Variants in TRPM6 observed in about 807,000 individuals in gnomAD.
TRPM6 encodes channel kinase 2.
Under a neutral mutation model 247.6 loss-of-function variants are expected in TRPM6, and 111 were observed. The ratio of observed to expected loss-of-function variants is 0.45; its 90% CI spans 0.38 to 0.52. TRPM6 has a LOEUF of 0.52. Among genes scored for constraint, TRPM6 ranks in the 20% least tolerant of loss-of-function variants. The pLI, the probability that TRPM6 is intolerant of heterozygous loss-of-function variation, is 0.00. For synonymous variants in TRPM6, 892 were observed against 853.8 expected (o/e 1.04, Z -0.78); for missense variants, 2,126 against 2,421.5 (o/e 0.88, Z 2.56).
chr9:74,724,896 T>C (rs1825264823), intron 38 of TRPM6, 150 bp from the exon 39 acceptor site: 2 of 1,038,544 alleles, frequency 1.9e-6, no homozygotes, highest in Non-Finnish European at 2.8e-6. Context: ...CTCAACCATG[T>C]CTAGATTAAG....
At chr9:74,867,247 G>A (rs1368883125) in intron 1 of TRPM6, among the ~76,000 whole-genome samples, 1 of 152,146 alleles carries the variant, frequency 6.6e-6, no homozygotes, top group African/African-American at 2.4e-5. Flanking sequence ...ACACTCATGA[G>A]AAAATATGTC....
intron 23 of TRPM6, among the ~76,000 whole-genome samples, chr9:74,776,678 T>C (rs1202477362): frequency 6.6e-6 from 1 of 152,142 alleles, no homozygotes; most frequent in Non-Finnish European, 1.5e-5. Context: ...GATAGGATGG[T>C]GAATGTTGAT....
chr9:74,800,170 A>G, intron 17 of TRPM6, 84 bp downstream of exon 17: 1 of 1,324,238 alleles, frequency 7.6e-7, no homozygotes. Flanking sequence ...CTGAAGACAC[A>G]ATTCTGGAAC....
chr9:74,884,204 T>C (rs999080236), intron 1 of TRPM6, among the ~76,000 whole-genome samples: 1 of 151,412 alleles, frequency 6.6e-6, no homozygotes, highest in African/African-American at 2.4e-5. Context: ...TAAATACATA[T>C]GTATGGCCAG....
chr9:74,750,601 C>A (rs1826211262), intron 30 of TRPM6, 63 bp downstream of exon 30: 1 of 1,437,094 alleles, frequency 7.0e-7, no homozygotes, highest in South Asian at 1.1e-5. Context: ...AACCTTTGCT[C>A]CTAACCAAGT....
chr9:74,745,328 A>G (rs1190724065), intron 31 of TRPM6, among the ~76,000 whole-genome samples: 1 of 152,248 alleles, frequency 6.6e-6, no homozygotes, highest in East Asian at 1.9e-4. Flanking sequence ...TTGAGTACCT[A>G]CTATGTGCCA....
At chr9:74,811,362 C>A (rs752703550) in intron 12 of TRPM6, among the ~76,000 whole-genome samples, 2 of 152,110 alleles carry the variant, frequency 1.3e-5, no homozygotes, top group Non-Finnish European at 2.9e-5. Context: ...ACTCTAGGAA[C>A]AAATCACTGT....
chr9:74,763,218 A>C, intron 25 of TRPM6, 84 bp from the exon 26 acceptor site: 1 of 1,360,866 alleles, frequency 7.3e-7, no homozygotes, highest in Non-Finnish European at 1.0e-6. Context: ...TCCATCCTTA[A>C]ATGGCTCCTG....
chr9:74,874,988 C>G (rs1831149730), intron 1 of TRPM6, among the ~76,000 whole-genome samples: 1 of 151,400 alleles, frequency 6.6e-6, no homozygotes, highest in African/African-American at 2.4e-5. Context: ...TGGTCTCAAA[C>G]TCCTGACCTC....
chr9:74,858,841 A>C, intron 1 of TRPM6, 93 bp from the exon 2 acceptor site: 1 of 1,002,896 alleles, frequency 1.0e-6, no homozygotes. Flanking sequence ...CTCAAGTATC[A>C]TGAATGCTAA....
chr9:74,790,837 T>C (rs1003389155), intron 19 of TRPM6, among the ~76,000 whole-genome samples: 1 of 152,216 alleles, frequency 6.6e-6, no homozygotes, highest in African/African-American at 2.4e-5. Flanking sequence ...TTCCTCTACT[T>C]GAGAACAGGT....
At chr9:74,735,752 G>C (rs1186751050) in intron 36 of TRPM6, among the ~76,000 whole-genome samples, 1 of 152,094 alleles carries the variant, frequency 6.6e-6, no homozygotes, top group East Asian at 1.9e-4. Context: ...AGTGGAAAGA[G>C]AGCAAAAAAC....
intron 19 of TRPM6, among the ~76,000 whole-genome samples, chr9:74,791,851 G>A (rs1232912762): frequency 6.6e-6 from 1 of 152,152 alleles, no homozygotes; most frequent in Non-Finnish European, 1.5e-5. Flanking sequence ...TGCCCCCTGG[G>A]GTTCTCGCCA....
chr9:74,806,347 A>G (rs1587527245), intron 14 of TRPM6, among the ~76,000 whole-genome samples: 1 of 152,160 alleles, frequency 6.6e-6, no homozygotes, highest in East Asian at 1.9e-4. Context: ...GCTGGTCTCG[A>G]ATTCCTGGGC....
At chr9:74,860,929 G>T (rs1830674491) in intron 1 of TRPM6, among the ~76,000 whole-genome samples, 1 of 152,066 alleles carries the variant, frequency 6.6e-6, no homozygotes, top group South Asian at 2.1e-4. Flanking sequence ...GGCTGAGGTG[G>T]GAGGATTGCT....
rs1830497201 is a variant in TRPM6, at chr9:74,855,509, T to G, written c.152+18A>C. The G allele has an allele frequency of 6.3e-7, 1 of 1,586,134 alleles. No homozygotes were observed. Among genetic ancestry groups the G allele is most frequent in the Admixed American group, 1.7e-5 (1 of 59,974 alleles). On this transcript the variant is annotated intron_variant, in intron 3 of 38. Coordinates refer to ENST00000360774, the MANE Select transcript of TRPM6 (RefSeq NM_017662.5). Reference sequence around the variant, plus strand: ...GGTGCCTAAAAGCTAAAAGGAATCTTGCTTATCTAAGTCTTACCTGATTAA... The same window carrying G: ...GGTGCCTAAAAGCTAAAAGGAATCTGGCTTATCTAAGTCTTACCTGATTAA...
At chr9:74,855,485 G>A in intron 3 of TRPM6, 42 bp downstream of exon 3, 1 of 1,435,114 alleles carries the variant, frequency 7.0e-7, no homozygotes, top group Middle Eastern at 1.7e-4. Context: ...TTTAAATAGG[G>A]TGCCTAAAAG....
chr9:74,821,501 G>A (rs1385346111), intron 8 of TRPM6, among the ~76,000 whole-genome samples, 168 bp downstream of exon 8: 1 of 152,192 alleles, frequency 6.6e-6, no homozygotes, highest in Non-Finnish European at 1.5e-5. Flanking sequence ...TCTCATCGCT[G>A]AAGGGCATTT....
At chr9:74,815,316 T>C (rs914904129) in intron 11 of TRPM6, among the ~76,000 whole-genome samples, 2 of 152,182 alleles carry the variant, frequency 1.3e-5, no homozygotes, top group Non-Finnish European at 2.9e-5. Context: ...AAGAAGTGTT[T>C]ACTTCTCAAT....
Sources: allele counts gnomAD v4.1 joint callset (sites outside exome capture counted in the v4.1 genomes callset), GRCh38; gene constraint gnomAD v4.1.1; transcripts MANE v1.5; gene names NCBI Gene and HGNC (gene_info 2026-07-23, HGNC 2026-07-21).